Variants in SZT2 observed in about 807,000 individuals in gnomAD.
SZT2 encodes KICSTOR complex protein SZT2.
In SZT2, 216 loss-of-function variants were observed where a neutral mutation model predicts 404.2. That is an observed-to-expected ratio of 0.53 (90% CI 0.48 to 0.60). The LOEUF (loss-of-function observed/expected upper bound fraction) is 0.60. SZT2 is among the 20% of genes least tolerant of loss of function. The pLI, the probability that SZT2 is intolerant of heterozygous loss-of-function variation, is 0.00. For missense variants in SZT2, 3,857 were observed against 4,459.2 expected, an observed-to-expected ratio of 0.86 and a Z score of 3.85; for synonymous variants, 1,693 against 1,749.9, an observed-to-expected ratio of 0.97 and a Z score of 0.81.
At position 43,451,191 on chromosome 1, in the gene SZT2, TG is replaced by T; in HGVS notation, c.*714del. 1 of 1,533,010 alleles carries T rather than the reference TG, an allele frequency of 6.5e-7. No individual in the cohort carries two copies. Among genetic ancestry groups the T allele is most frequent in the Non-Finnish European group, 9.0e-7 (1 of 1,106,332 alleles). The allele number at this position is 1,533,010 out of a possible 1,614,324, so 95.0% of individuals were successfully genotyped here. On this transcript the variant is annotated 3_prime_UTR_variant, in exon 72 of 72. Coordinates refer to ENST00000634258, the MANE Select transcript of SZT2 (RefSeq NM_001365999.1). ...GTCATCTTTAATGCAGAGGAGGAGA[TG>T]GGATGTCACTCGCTGTCTGGAGGCA...
chr1:43,421,061 G>A (rs1652299121), intron 10 of SZT2, 78 bp downstream of exon 10: 3 of 1,592,996 alleles, frequency 1.9e-6, no homozygotes, highest in East Asian at 4.5e-5. Flanking sequence ...GGGAGCTGGG[G>A]AGCATCACCC....
rs1261614055 is a variant in SZT2, at chr1:43,442,479, G to A, written c.8012G>A (p.Gly2671Glu). The A allele has an allele frequency of 6.2e-7, 1 of 1,614,010 alleles. No homozygotes were observed. ...ACCTACAACTGGGCTCCAGACCTGG[G>A]GGCAGCATTGGGCCGAGCGCTGGTT... The part of the protein sequence containing the change: ...LLTYNWAPDL[G>E]AALGRALVRL... Residue 2671 changes from glycine (G) to glutamate (E), a missense_variant, in exon 58 of 72, where the codon GGG becomes GAG. Physicochemically the swap from Gly to Glu is moderately conservative, Grantham distance 98. This residue lies in a region of SZT2 where 573 missense variants were observed against 592.4 expected (regional missense o/e 0.97). Transcript: ENST00000634258. This position sits in a 1 kb window ranked among gnomAD's most constrained non-coding sequence, Gnocchi z 4.5.
At position 43,446,919 on chromosome 1, in the gene SZT2, A is replaced by G. The variant is rs2782650; in HGVS notation, c.9073-36A>G. 599,990 of 1,587,106 alleles carry G rather than the reference A, an allele frequency of 0.38. 120,463 individuals are homozygous for G. Among genetic ancestry groups the G allele is most frequent in the Non-Finnish European group, 0.42 (486,955 of 1,163,178 alleles). ...TGTGTTTTGGGCAGCCAGTGCAGCC[A>G]TACCTTAACCCTGTCTCCTGCTGCT... On this transcript the variant is annotated intron_variant, in intron 65 of 71. Coordinates refer to ENST00000634258, the MANE Select transcript of SZT2 (RefSeq NM_001365999.1).
chr1:43,402,948 A>C (rs1649856006), intron 1 of SZT2, among the ~76,000 whole-genome samples: 1 of 152,180 alleles, frequency 6.6e-6, no homozygotes, highest in Non-Finnish European at 1.5e-5. Context: ...ACAATATGGA[A>C]AGGTCACTTC....
At chr1:43,432,691 T>C (rs201952634) in intron 38 of SZT2, 37 bp from the exon 39 acceptor site, 47 of 1,613,532 alleles carry the variant, frequency 2.9e-5, no homozygotes, top group Non-Finnish European at 3.8e-5. Flanking sequence ...CTAGACAGGA[T>C]TGAGAGAGGC....
At position 43,437,518 on chromosome 1, in the gene SZT2, C is replaced by T. The variant is rs769486008; in HGVS notation, c.6290+10C>T. 6.2e-7 allele frequency: 1 copy of T among 1,614,004 alleles called. No individual in the cohort carries two copies. The highest frequency in any genetic ancestry group is 8.5e-7 in the Non-Finnish European group (1 of 1,180,004). Reference sequence around the variant, plus strand: ...CTGTGTACTATCTTCGGTATGTGGCCCTTGGAAGGTGGGTAGGGCATGAAT... The same window carrying T: ...CTGTGTACTATCTTCGGTATGTGGCTCTTGGAAGGTGGGTAGGGCATGAAT... On this transcript the variant is annotated intron_variant, in intron 44 of 71. Coordinates refer to ENST00000634258, the MANE Select transcript of SZT2 (RefSeq NM_001365999.1). The surrounding 1 kb of genome is among the most constrained non-coding windows in gnomAD (Gnocchi z 5.3).
intron 66 of SZT2, 46 bp downstream of exon 66, chr1:43,447,214 A>G: frequency 6.4e-7 from 1 of 1,564,078 alleles, no homozygotes; most frequent in Non-Finnish European, 8.7e-7. Context: ...AGAACAGGCC[A>G]CAGGTGCCTC....
At position 43,429,798 on chromosome 1, in the gene SZT2, G is replaced by A; in HGVS notation, c.4262G>A (p.Cys1421Tyr). Reference protein sequence around the residue: ...PGPEISLTDVCQLRGEAHGAL... With the variant: ...PGPEISLTDVYQLRGEAHGAL... ...CCAGAGATCTCTCTGACAGATGTCT[G>A]CCAGCTCAGAGGAGAGGCCCATGGT... The change falls in exon 29 of 72, where the codon TGC becomes TAC. Residue 1421 changes from cysteine to tyrosine, a missense_variant. Cys to Tyr is a radical substitution (Grantham distance 194). Around this residue, in one of 7 missense-constraint regions of SZT2, gnomAD observed 1,725 missense variants for 1,881.0 expected, o/e 0.92. Coordinates refer to ENST00000634258, the MANE Select transcript of SZT2 (RefSeq NM_001365999.1). 1 of 1,614,210 alleles carries A rather than the reference G, an allele frequency of 6.2e-7. No individual in the cohort carries two copies. The highest frequency in any genetic ancestry group is 1.1e-5 in the South Asian group (1 of 91,080).
chr1:43,426,318 C>A lies in SZT2; in HGVS notation c.3044-50C>A, dbSNP rs1017275859. 64 of 1,507,918 alleles carry A rather than the reference C, an allele frequency of 4.2e-5. No individual in the cohort carries two copies. The highest frequency in any genetic ancestry group is 5.5e-5 in the Non-Finnish European group (62 of 1,127,816). The allele number at this position is 1,507,918 out of a possible 1,614,324, so 93.4% of individuals were successfully genotyped here. On this transcript the variant is annotated intron_variant, in intron 21 of 71. Coordinates refer to ENST00000634258, the MANE Select transcript of SZT2 (RefSeq NM_001365999.1). The surrounding 1 kb of genome is among the most constrained non-coding windows in gnomAD (Gnocchi z 4.9). ...CAGCTGGTCAGGGCTGAGCCGGGGG[C>A]ACCGGGCAGCAGGAGGCTCTTGGTG... is the stretch of plus-strand genomic sequence containing the variant.
At chr1:43,432,638 A>G in intron 38 of SZT2, 34 bp downstream of exon 38, 1 of 1,613,486 alleles carries the variant, frequency 6.2e-7, no homozygotes. Flanking sequence ...TCTGGAGGCC[A>G]GGACCAGATC....
In SZT2 at chr1:43,448,095, G is replaced by T. The variant is rs1655909771; in HGVS notation, c.9580G>T (p.Val3194Leu). The T allele has an allele frequency of 1.9e-6, 3 of 1,596,806 alleles. No individual in the cohort carries two copies. The East Asian group carries it at 6.7e-5, about 36-fold the overall frequency. Residue 3194 changes from valine to leucine, a missense_variant, in exon 69 of 72, where the codon GTG (valine) becomes TTG (leucine). Transcript: ENST00000634258. The surrounding 1 kb of genome is among the most constrained non-coding windows in gnomAD (Gnocchi z 4.2). ...CCACCCCAGGCTACAGTTCTTCGTG[G>T]TGCTCACCAGCCAGCGAGAGCTCTT... is the stretch of plus-strand genomic sequence containing the variant. The part of the protein sequence containing the change: ...RHVLRLQFFV[V>L]LTSQRELFPR...
At position 43,425,373 on chromosome 1, in the gene SZT2, G is replaced by A; in HGVS notation, c.2646-101G>A. On this transcript the variant is annotated intron_variant, in intron 18 of 71. Transcript: ENST00000634258. This position sits in a 1 kb window ranked among gnomAD's most constrained non-coding sequence, Gnocchi z 4.3. Reference sequence around the variant, plus strand: ...GCAGACGCTGGTCTGGGAAGGCCTTGTATGACTCGTGGCTGTCCTCTGTGC... The same window carrying A: ...GCAGACGCTGGTCTGGGAAGGCCTTATATGACTCGTGGCTGTCCTCTGTGC... 3 of 1,554,394 alleles carry A rather than the reference G, an allele frequency of 1.9e-6. No homozygotes were observed. Among genetic ancestry groups the A allele is most frequent in the Non-Finnish European group, 2.6e-6 (3 of 1,139,528 alleles).
At chr1:43,423,020 TCTCA>T (rs1652602839) in intron 14 of SZT2, 75 bp from the exon 15 acceptor site, 2 of 1,508,562 alleles carry the variant, frequency 1.3e-6, no homozygotes, top group Non-Finnish European at 1.8e-6. Context: ...GAGGGCTGTG[TCTCA>T]CTTTGTCTGT....
chr1:43,441,353 G>T lies in SZT2; in HGVS notation c.7484G>T (p.Gly2495Val). 6.2e-7 allele frequency: 1 copy of T among 1,614,178 alleles called. No homozygotes were observed. The highest frequency in any genetic ancestry group is 1.1e-5 in the South Asian group (1 of 91,080). ...CCTGGTGGAGCTGAGCGGGCGCCAG[G>T]CTCAGATTCTGGAGCCCAGAGACAA... ...RTPGGAERAP[G>V]SDSGAQRQKR... The change falls in exon 53 of 72, where the codon GGC becomes GTC. Residue 2495 changes from glycine (G) to valine (V), a missense_variant. Physicochemically the swap from Gly to Val is moderately radical, Grantham distance 109. Transcript: ENST00000634258. This position sits in a 1 kb window ranked among gnomAD's most constrained non-coding sequence, Gnocchi z 4.8.
Position 43,427,271 on chromosome 1 carries a change from T to A in SZT2, c.3434-10T>A. On this transcript the variant is annotated splice_polypyrimidine_tract_variant and intron_variant, in intron 24 of 71. Transcript: ENST00000634258. ...CCAGGCAGCTCTGATTTATGTCTGATCCTCTTCAGATGTCCAGCGTCTGGC... is the reference window on the plus strand; with the variant it reads ...CCAGGCAGCTCTGATTTATGTCTGAACCTCTTCAGATGTCCAGCGTCTGGC... 1 of 1,607,426 alleles carries A rather than the reference T, an allele frequency of 6.2e-7. No individual in the cohort carries two copies.
In SZT2 at chr1:43,419,899, T is replaced by G; in HGVS notation, c.1045T>G (p.Ser349Ala). 1 of 1,598,388 alleles carries G rather than the reference T, an allele frequency of 6.3e-7. No homozygotes were observed. Among genetic ancestry groups the G allele is most frequent in the African/African-American group, 1.3e-5 (1 of 75,048 alleles). The part of the protein sequence containing the change: ...TVYHRAFLLY[S>A]FLRSGEALNP... ...CTACCACCGGGCATTTCTCCTCTAT[T>G]CCTTCCTGCGCAGTGGGGAAGCACT... is the stretch of plus-strand genomic sequence containing the variant. Residue 349 changes from serine (S) to alanine (A), a missense_variant, in exon 8 of 72, where the codon TCC (serine) becomes GCC (alanine). By Grantham distance (99) the Ser-to-Ala change is moderately conservative. Around this residue, in one of 7 missense-constraint regions of SZT2, gnomAD observed 536 missense variants for 637.4 expected, o/e 0.84. Coordinates refer to ENST00000634258, the MANE Select transcript of SZT2 (RefSeq NM_001365999.1).
In SZT2 at chr1:43,422,126, A is replaced by G. The variant is rs1448175461; in HGVS notation, c.1670A>G (p.Gln557Arg). The change falls in exon 12 of 72, where the codon CAG (glutamine) becomes CGG (arginine). Residue 557 changes from glutamine (Q) to arginine (R), a missense_variant. Transcript: ENST00000634258. ...AGTGGTTCTGACTCATCCCATGCCCAGTTTGCTGCCTACTGGAAGCCAGTG... is the reference window on the plus strand; with the variant it reads ...AGTGGTTCTGACTCATCCCATGCCCGGTTTGCTGCCTACTGGAAGCCAGTG... ...QPSGSDSSHA[Q>R]FAAYWKPVLS... is the part of the protein sequence containing the mutation. 1 of 1,597,900 alleles carries G rather than the reference A, an allele frequency of 6.3e-7. No homozygotes were observed. Among genetic ancestry groups the G allele is most frequent in the Admixed American group, 1.7e-5 (1 of 59,992 alleles).
intron 28 of SZT2, chr1:43,428,829 TG>T (rs1653505133): frequency 3.7e-6 from 1 of 268,834 alleles, no homozygotes; most frequent in African/African-American, 2.1e-5. Context: ...GTGAATTTCA[TG>T]GGGGCCAAAA....
rs776997759 is a variant in SZT2, at chr1:43,452,278, C to T, written c.*1798C>T. The T allele has an allele frequency of 1.7e-5, 28 of 1,613,968 alleles. No individual in the cohort carries two copies. Among genetic ancestry groups the T allele is most frequent in the Non-Finnish European group, 2.4e-5 (28 of 1,179,988 alleles). ...CTCCATCTCAGCCTTGACTGCTATTCGATCAGCTCCCTGGGGTACTCGGCC... is the reference window on the plus strand; with the variant it reads ...CTCCATCTCAGCCTTGACTGCTATTTGATCAGCTCCCTGGGGTACTCGGCC... On this transcript the variant is annotated 3_prime_UTR_variant, in exon 72 of 72. Transcript: ENST00000634258.
Sources: gnomAD v4.1 joint callset for allele counts (sites outside exome capture counted in the v4.1 genomes callset) on GRCh38, gnomAD v4.1.1 for gene constraint, gnomAD v4.1.1 regional missense constraint, Gnocchi (gnomAD v3.1) non-coding constraint, MANE v1.5 for transcripts, NCBI Gene and HGNC (gene_info 2026-07-23, HGNC 2026-07-21) for gene names.